TRIM39: variants seen among roughly 807,000 people sequenced by gnomAD.
TRIM39 encodes E3 ubiquitin-protein ligase TRIM39.
In TRIM39, 5 loss-of-function variants were observed where a neutral mutation model predicts 53.6. That is an observed-to-expected ratio of 0.09 (90% CI 0.05 to 0.20). The LOEUF is 0.20. Ranked by LOEUF, TRIM39 falls within the 10% of genes least tolerant of loss-of-function variation. The pLI, the probability that TRIM39 is intolerant of heterozygous loss-of-function variation, is 1.00. For synonymous variants in TRIM39, 196 were observed against 237.6 expected (o/e 0.82, Z 1.61); for missense variants, 310 against 621.0 (o/e 0.50, Z 5.32).
At chr6:30,343,461 T>C (rs746300445) in exon 8 of TRIM39, 2 of 152,754 alleles carry the variant, frequency 1.3e-5, no homozygotes, top group African/African-American at 2.4e-5. Flanking sequence ...AAACAACTTA[T>C]AGGGTACATA....
At chr6:30,333,666 G>C (rs1786497207) in intron 4 of TRIM39, among the ~76,000 whole-genome samples, 1 of 152,102 alleles carries the variant, frequency 6.6e-6, no homozygotes, top group Non-Finnish European at 1.5e-5. Flanking sequence ...TGGCCGCCCA[G>C]GCCTGTGTTT....
intron 7 of TRIM39, chr6:30,341,443 T>C (rs1787533775): frequency 4.3e-6 from 3 of 701,818 alleles, no homozygotes; most frequent in Non-Finnish European, 5.3e-6. Flanking sequence ...CAGAGGGAGA[T>C]GAAGAGAGGA....
chr6:30,329,255 A>AT lies in TRIM39; in HGVS notation c.-7-56_-7-55insT. On this transcript the variant is annotated intron_variant, in intron 2 of 7. Coordinates refer to ENST00000396551, the Ensembl canonical transcript of TRIM39. Reference sequence around the variant, plus strand: ...GGTCAGGGATGCAAAAAAAAAAAAAAGAAAAAACCTCCAATTAATATTTTT... The same window carrying AT: ...GGTCAGGGATGCAAAAAAAAAAAAAATGAAAAAACCTCCAATTAATATTTTT... 2.6e-6 allele frequency: 4 copies of AT among 1,517,250 alleles called. No homozygotes were observed. In the South Asian group the frequency reaches 5.1e-5, roughly 19 times the overall value. The allele number at this position is 1,517,250 out of a possible 1,614,324, so 94.0% of individuals were successfully genotyped here.
In TRIM39 at chr6:30,338,829, A is replaced by G. The variant is rs998986456; in HGVS notation, c.781-1079A>G. On this transcript the variant is annotated intron_variant, in intron 5 of 7. Coordinates refer to ENST00000396551, the Ensembl canonical transcript of TRIM39. The surrounding 1 kb of genome is among the most constrained non-coding windows in gnomAD (Gnocchi z 4.0). ...TTGTTTAAATAATATATTGCTTTTG[A>G]TATGTATATATTAATAATACCTCTA... Among the ~76,000 whole-genome samples the G allele has an allele frequency of 6.6e-6, 1 of 152,172 alleles. No individual in the cohort carries two copies. Among genetic ancestry groups the G allele is most frequent in the East Asian group, 1.9e-4 (1 of 5,198 alleles).
intron 4 of TRIM39, among the ~76,000 whole-genome samples, chr6:30,331,587 G>T (rs900879144): frequency 6.6e-6 from 1 of 152,284 alleles, no homozygotes; most frequent in African/African-American, 2.4e-5. Context: ...AAGGGAAAAG[G>T]AGCTGACCAA....
In TRIM39 at chr6:30,338,978, A is replaced by ATGTTACAATG. The variant is rs1413074518; in HGVS notation, c.781-929_781-928insGTTACAATGT. Among the ~76,000 whole-genome samples, 1 of 152,046 alleles carries ATGTTACAATG rather than the reference A, an allele frequency of 6.6e-6. No individual in the cohort carries two copies. Among genetic ancestry groups the ATGTTACAATG allele is most frequent in the Admixed American group, 6.6e-5 (1 of 15,266 alleles). ...AGCAGTGAGGCTTCATTGTACATTT[A>ATGTTACAATG]TTTTTATGTTACGTATTGCTTGGTA... On this transcript the variant is annotated intron_variant, in intron 5 of 7. Coordinates refer to ENST00000396551, the Ensembl canonical transcript of TRIM39. The surrounding 1 kb of genome is among the most constrained non-coding windows in gnomAD (Gnocchi z 4.0).
exon 3 of TRIM39, chr6:30,329,655 C>G (rs1169413473): frequency 6.2e-7 from 1 of 1,613,112 alleles, no homozygotes; most frequent in Non-Finnish European, 8.5e-7. Flanking sequence ...CACCATGAGG[C>G]CCTCAGCCTT....
At chr6:30,340,154 T>C (rs1325559459) in intron 6 of TRIM39, 1 of 1,080,462 alleles carries the variant, frequency 9.3e-7, no homozygotes, top group Non-Finnish European at 1.4e-6. Flanking sequence ...AGAAGGAGAA[T>C]GATAAGGTAG....
At chr6:30,329,510 C>T (rs1785857392) in exon 3 of TRIM39, 1 of 1,612,992 alleles carries the variant, frequency 6.2e-7, no homozygotes, top group African/African-American at 1.3e-5. Flanking sequence ...GAGGGACTTC[C>T]CTTGTCCTGT....
Position 30,339,757 on chromosome 6 carries a change from T to C in TRIM39, c.781-151T>C. On this transcript the variant is annotated intron_variant, in intron 5 of 7. Transcript: ENST00000396551. This position sits in a 1 kb window ranked among gnomAD's most constrained non-coding sequence, Gnocchi z 4.2. ...TTAGGTTGGGAGAAGTGCATTCAGG[T>C]CCCGCTGGAGCTCTTCTTGCACTGT... The C allele has an allele frequency of 9.5e-7, 1 of 1,048,748 alleles. No homozygotes were observed. Among genetic ancestry groups the C allele is most frequent in the Non-Finnish European group, 1.4e-6 (1 of 702,312 alleles). The allele number at this position is 1,048,748 out of a possible 1,614,324, so 65.0% of individuals were successfully genotyped here.
At position 30,335,883 on chromosome 6, in the gene TRIM39, G is replaced by A; in HGVS notation, c.688G>A (p.Ala230Thr). 1 of 1,613,062 alleles carries A rather than the reference G, an allele frequency of 6.2e-7. No homozygotes were observed. Among genetic ancestry groups the A allele is most frequent in the Non-Finnish European group, 8.5e-7 (1 of 1,180,048 alleles). The stretch of plus-strand genomic sequence containing the variant: ...CATTCTGCAGCGACTCCGAGAAAAT[G>A]CTGCTCACCTTGGGGACAAGCGCCG... Residue 230 changes from alanine to threonine, a missense_variant, in exon 5 of 8, where the codon GCT (alanine) becomes ACT (threonine). By Grantham distance (58) the Ala-to-Thr change is moderately conservative (BLOSUM62 0). Transcript: ENST00000396551. The surrounding 1 kb of genome is among the most constrained non-coding windows in gnomAD (Gnocchi z 4.7).
At chr6:30,340,230 G>C (rs745626126) in intron 6 of TRIM39, 1 of 1,541,318 alleles carries the variant, frequency 6.5e-7, no homozygotes, top group Admixed American at 1.7e-5. Context: ...GGAAGGGGTT[G>C]GGAGAGCAGG....
exon 8 of TRIM39, chr6:30,341,846 G>A (rs1722218324): frequency 1.9e-6 from 3 of 1,612,902 alleles, no homozygotes; most frequent in Admixed American, 1.7e-5. Flanking sequence ...CTACCCTTGC[G>A]TCCTGGCTAC....
chr6:30,335,604 T>C lies in TRIM39; in HGVS notation c.550-141T>C. ...TCCCAAAGTCCTGGGATTACAGTCA[T>C]GTGTCACCACACCCAGCCTTTGTTA... On this transcript the variant is annotated intron_variant, in intron 4 of 7. Coordinates refer to ENST00000396551, the Ensembl canonical transcript of TRIM39. This position sits in a 1 kb window ranked among gnomAD's most constrained non-coding sequence, Gnocchi z 4.7. 2 of 1,159,926 alleles carry C rather than the reference T, an allele frequency of 1.7e-6. No homozygotes were observed. The highest frequency in any genetic ancestry group is 2.6e-5 in the East Asian group (1 of 39,004). 71.9% of individuals were successfully genotyped at this position (1,159,926 alleles called of 1,614,324 possible).
intron 4 of TRIM39, 92 bp downstream of exon 4, chr6:30,330,968 C>A: frequency 6.9e-7 from 1 of 1,445,060 alleles, no homozygotes; most frequent in Non-Finnish European, 9.4e-7. Context: ...AGTTCCGGTT[C>A]ATTAGAAAAA....
At chr6:30,340,075 G>C in intron 6 of TRIM39, 145 bp downstream of exon 6, 1 of 1,346,484 alleles carries the variant, frequency 7.4e-7, no homozygotes, top group Non-Finnish European at 1.0e-6. Flanking sequence ...TTGTGCCCAT[G>C]AAGCCAGTTA....
chr6:30,335,600 G>A lies in TRIM39; in HGVS notation c.550-145G>A. On this transcript the variant is annotated intron_variant, in intron 4 of 7. Transcript: ENST00000396551. This position sits in a 1 kb window ranked among gnomAD's most constrained non-coding sequence, Gnocchi z 4.7. ...GGCCTCCCAAAGTCCTGGGATTACA[G>A]TCATGTGTCACCACACCCAGCCTTT... 3.5e-6 allele frequency: 4 copies of A among 1,134,536 alleles called. No individual in the cohort carries two copies. The South Asian group carries it at 4.9e-5, about 14-fold the overall frequency. 70.3% of individuals were successfully genotyped at this position (1,134,536 alleles called of 1,614,324 possible). A position where few individuals can be genotyped will look rare whatever the true frequency, so the allele number is the denominator to read the frequency against.
chr6:30,337,437 G>A (rs1174149557), intron 5 of TRIM39, among the ~76,000 whole-genome samples: 4 of 152,154 alleles, frequency 2.6e-5, no homozygotes, highest in South Asian at 4.1e-4. Flanking sequence ...GGCTAGGCAC[G>A]TTGGCTCACA....
intron 1 of TRIM39, chr6:30,327,416 G>A: frequency 6.5e-6 from 1 of 153,390 alleles, no homozygotes; most frequent in Non-Finnish European, 1.5e-5. Context: ...AACGGGGGTG[G>A]GACAGAGTTG....
Sources: gnomAD v4.1 joint callset for allele counts (sites outside exome capture counted in the v4.1 genomes callset) on GRCh38, gnomAD v4.1.1 for gene constraint, Gnocchi (gnomAD v3.1) non-coding constraint, MANE v1.5 for transcripts, NCBI Gene and HGNC (gene_info 2026-07-23, HGNC 2026-07-21) for gene names.